Variants in EMSY observed in about 807,000 individuals in gnomAD.
EMSY encodes the protein BRCA2-interacting transcriptional repressor EMSY.
EMSY carries 26 observed loss-of-function variants against 134.6 expected under a neutral mutation model. That is an observed-to-expected ratio of 0.19 (90% CI 0.14 to 0.27). The LOEUF (loss-of-function observed/expected upper bound fraction) is 0.27, where lower values mean the gene tolerates loss of function less well. Ranked by LOEUF, EMSY falls within the 10% of genes least tolerant of loss-of-function variation. EMSY has a pLI of 1.00. For synonymous variants in EMSY, 579 were observed against 577.8 expected (o/e 1.00, Z -0.03); for missense variants, 1,305 against 1,611.4 (o/e 0.81, Z 3.26).
intron 6 of EMSY, among the ~76,000 whole-genome samples, chr11:76,462,296 A>G (rs1948154734): frequency 6.6e-6 from 1 of 152,364 alleles, no homozygotes; most frequent in East Asian, 1.9e-4. Flanking sequence ...AAACATGAAG[A>G]AACTATTTCA....
chr11:76,458,055 A>G, intron 4 of EMSY, 128 bp from the exon 6 acceptor site: 1 of 714,240 alleles, frequency 1.4e-6, no homozygotes, highest in Non-Finnish European at 2.1e-6. Flanking sequence ...GCTTGCTTAA[A>G]ATAAAGCCTC....
At chr11:76,511,363 G>A (rs1240023675) in intron 9 of EMSY, among the ~76,000 whole-genome samples, 1 of 151,990 alleles carries the variant, frequency 6.6e-6, no homozygotes, top group Admixed American at 6.6e-5. Flanking sequence ...TTTTTTCTCT[G>A]TGTGCTTATT....
At chr11:76,541,071 C>T (rs1019336019) in intron 17 of EMSY, among the ~76,000 whole-genome samples, 3 of 152,082 alleles carry the variant, frequency 2.0e-5, no homozygotes, top group African/African-American at 7.2e-5. Flanking sequence ...CTAAAAAATG[C>T]AAAAATTAGC....
chr11:76,472,799 T>C, exon 8 of EMSY: 1 of 1,614,214 alleles, frequency 6.2e-7, no homozygotes, highest in Non-Finnish European at 8.5e-7. Flanking sequence ...ACAGCTGTGG[T>C]GTCCTCTACA....
chr11:76,465,458 T>C (rs1948310197), intron 7 of EMSY, among the ~76,000 whole-genome samples: 1 of 152,170 alleles, frequency 6.6e-6, no homozygotes, highest in Admixed American at 6.5e-5. Context: ...ATATGAAAAA[T>C]TGTTACAGCC....
intron 9 of EMSY, among the ~76,000 whole-genome samples, chr11:76,509,239 A>G (rs1385237603): frequency 6.6e-6 from 1 of 152,080 alleles, no homozygotes; most frequent in Non-Finnish European, 1.5e-5. Flanking sequence ...TTCAATTTGT[A>G]AAAAACACTT....
intron 6 of EMSY, among the ~76,000 whole-genome samples, chr11:76,462,753 G>A (rs1252882518): frequency 6.6e-6 from 1 of 152,188 alleles, no homozygotes; most frequent in African/African-American, 2.4e-5. Context: ...GGGGTACATG[G>A]GGTTGGATGT....
At chr11:76,489,608 C>T (rs1477921066) in intron 8 of EMSY, among the ~76,000 whole-genome samples, 1 of 141,602 alleles carries the variant, frequency 7.1e-6, no homozygotes, top group Non-Finnish European at 1.5e-5. Flanking sequence ...CTTGATGTAT[C>T]TTTTTTTTTT....
exon 21 of EMSY, chr11:76,551,088 AC>A (rs1487023837): frequency 6.5e-6 from 1 of 152,758 alleles, no homozygotes; most frequent in Admixed American, 6.5e-5. Flanking sequence ...TTTGAAAATA[AC>A]TTTTACATAC....
chr11:76,506,735 G>A (rs942354544), intron 9 of EMSY, among the ~76,000 whole-genome samples: 7 of 152,194 alleles, frequency 4.6e-5, no homozygotes, highest in African/African-American at 1.7e-4. Context: ...GGGGCACTGT[G>A]AGGAAGCTGG....
At chr11:76,533,216 A>G (rs1490012153) in intron 14 of EMSY, among the ~76,000 whole-genome samples, 2 of 152,084 alleles carry the variant, frequency 1.3e-5, no homozygotes, top group South Asian at 2.1e-4. Context: ...ATCACTTTGT[A>G]TGAGCAATAG....
At chr11:76,523,239 C>G in exon 12 of EMSY, 1 of 1,613,774 alleles carries the variant, frequency 6.2e-7, no homozygotes, top group South Asian at 1.1e-5. Flanking sequence ...AAAGGAACGA[C>G]CATTCAAGGC....
At chr11:76,472,629 C>T (rs371859985) in exon 8 of EMSY, 17 of 1,614,082 alleles carry the variant, frequency 1.1e-5, no homozygotes, top group East Asian at 2.2e-5. Context: ...AATCCCATAA[C>T]TATGCAGCAG....
At chr11:76,464,724 T>G (rs1435799511) in intron 7 of EMSY, among the ~76,000 whole-genome samples, 1 of 152,210 alleles carries the variant, frequency 6.6e-6, no homozygotes, top group Non-Finnish European at 1.5e-5. Flanking sequence ...GTTAGTTTCT[T>G]TGCTTATTTT....
At chr11:76,546,546 G>T (rs1318122331) in intron 20 of EMSY, among the ~76,000 whole-genome samples, 1 of 152,158 alleles carries the variant, frequency 6.6e-6, no homozygotes, top group Non-Finnish European at 1.5e-5. Context: ...GCAATAAAGA[G>T]CCCATGTGTC....
rs556190972 is a variant in EMSY at position 76,462,003 on chromosome 11, G to A, written c.572-1818G>A. On this transcript the variant is annotated intron_variant, in intron 6 of 20. Transcript: ENST00000334736. ...TGTAATCCCAGCACTTTGGGAGGCC[G>A]AGGCGAGCAGATCACCTGAGGTCAG... 2.4e-4 allele frequency among the ~76,000 whole-genome samples: 37 copies of A among 152,020 alleles called. No homozygotes were observed. In the South Asian group the frequency reaches 6.8e-3, roughly 28 times the overall value.
intron 8 of EMSY, among the ~76,000 whole-genome samples, chr11:76,481,008 A>T (rs112951755): frequency 9.9e-5 from 15 of 152,120 alleles, no homozygotes; most frequent in Admixed American, 2.6e-4. Context: ...GCAGACACCG[A>T]GCTAGCTGCA....
chr11:76,541,226 C>T (rs1185411875), intron 17 of EMSY, among the ~76,000 whole-genome samples: 1 of 151,996 alleles, frequency 6.6e-6, no homozygotes, highest in Non-Finnish European at 1.5e-5. Flanking sequence ...ACTGAGTCTC[C>T]AAAATAAATA....
chr11:76,462,938 A>G (rs1948184935), intron 6 of EMSY, among the ~76,000 whole-genome samples: 1 of 152,226 alleles, frequency 6.6e-6, no homozygotes, highest in African/African-American at 2.4e-5. Context: ...AAGTGGACAG[A>G]CTGGAAGCAT....
Sources: gnomAD v4.1 joint callset for allele counts (sites outside exome capture counted in the v4.1 genomes callset) on GRCh38, gnomAD v4.1.1 for gene constraint, MANE v1.5 for transcripts, NCBI Gene and HGNC (gene_info 2026-07-23, HGNC 2026-07-21) for gene names.